Variants in TLN2 observed in about 807,000 individuals in gnomAD.
TLN2 encodes the protein talin 2.
Under a neutral mutation model 294.7 loss-of-function variants are expected in TLN2, and 118 were observed. The observed-to-expected ratio is 0.40, with a 90% CI of 0.34 to 0.47. TLN2 has a LOEUF of 0.47. Among genes scored for constraint, TLN2 ranks in the 20% least tolerant of loss-of-function variants. TLN2 has a pLI of 0.84. For synonymous variants in TLN2, 1,431 were observed against 1,304.5 expected (o/e 1.10, Z -2.09); for missense variants, 3,083 against 3,282.2 (o/e 0.94, Z 1.48).
At chr15:62,543,563 C>A (rs939102350) in intron 1 of TLN2, among the ~76,000 whole-genome samples, 7 of 152,100 alleles carry the variant, frequency 4.6e-5, no homozygotes, top group Non-Finnish European at 8.8e-5. Flanking sequence ...TGAGACCATC[C>A]TGGCCAACAT....
At chr15:62,705,187 C>G (rs1049702166) in intron 19 of TLN2, among the ~76,000 whole-genome samples, 1 of 152,184 alleles carries the variant, frequency 6.6e-6, no homozygotes, top group Non-Finnish European at 1.5e-5. Flanking sequence ...TCCTACAGAG[C>G]CTTTGTTAGC....
At chr15:62,602,978 T>C (rs1444107652) in intron 2 of TLN2, among the ~76,000 whole-genome samples, 1 of 151,944 alleles carries the variant, frequency 6.6e-6, no homozygotes, top group Non-Finnish European at 1.5e-5. Context: ...CTGCAAACTC[T>C]GCCTCCCAGG....
At chr15:62,588,252 A>G (rs1183079243) in intron 1 of TLN2, among the ~76,000 whole-genome samples, 1 of 152,116 alleles carries the variant, frequency 6.6e-6, no homozygotes, top group African/African-American at 2.4e-5. Context: ...ATTTTTTAAG[A>G]CATGAAAAAT....
At chr15:62,731,028 T>G (rs1370285990) in intron 28 of TLN2, among the ~76,000 whole-genome samples, 1 of 152,234 alleles carries the variant, frequency 6.6e-6, no homozygotes, top group Non-Finnish European at 1.5e-5. Context: ...GCTTTTGATC[T>G]ATCTTCCAGT....
At position 62,721,378 on chromosome 15, in the gene TLN2, T is replaced by A. The variant is rs1461414172; in HGVS notation, c.2992-975T>A. On this transcript the variant is annotated intron_variant, in intron 25 of 58. Transcript: ENST00000636159. ...TTGCCAGTTTGCTCTGTAAAACTAT[T>A]TTTGTTTGGTTTTGCATTTCTCCGA... 2.0e-5 allele frequency among the ~76,000 whole-genome samples: 3 copies of A among 152,322 alleles called. No individual in the cohort carries two copies. In the East Asian group the frequency reaches 5.8e-4, roughly 29 times the overall value.
At chr15:62,524,386 G>A (rs1015308662) in intron 1 of TLN2, among the ~76,000 whole-genome samples, 2 of 152,148 alleles carry the variant, frequency 1.3e-5, no homozygotes, top group Admixed American at 1.3e-4. Context: ...GCAGGTGTGT[G>A]CTTGTGTGTG....
intron 28 of TLN2, among the ~76,000 whole-genome samples, chr15:62,731,388 T>G (rs1034779717): frequency 1.0e-5 from 1 of 100,108 alleles, no homozygotes; most frequent in Non-Finnish European, 2.0e-5. Context: ...ATTGTAGAGA[T>G]AGTTTGAGGC....
chr15:62,816,990 A>C (rs1156493685), intron 52 of TLN2, among the ~76,000 whole-genome samples: 1 of 152,168 alleles, frequency 6.6e-6, no homozygotes, highest in Non-Finnish European at 1.5e-5. Context: ...CAGGCTACAC[A>C]CCAGAAGAAT....
At chr15:62,550,263 G>A (rs778485394) in intron 1 of TLN2, among the ~76,000 whole-genome samples, 1 of 152,094 alleles carries the variant, frequency 6.6e-6, no homozygotes, top group Non-Finnish European at 1.5e-5. Context: ...TAATAGTTTA[G>A]GTTTATTTTT....
intron 1 of TLN2, among the ~76,000 whole-genome samples, chr15:62,565,365 C>G (rs759578816): frequency 2.0e-5 from 3 of 152,146 alleles, no homozygotes; most frequent in Non-Finnish European, 4.4e-5. Flanking sequence ...TTGCACTAGA[C>G]TGACAGATGA....
Position 62,650,131 on chromosome 15 carries a change from A to G in TLN2, c.184A>G (p.Ile62Val). Residue 62 changes from isoleucine (I) to valine (V), a missense_variant, in exon 5 of 59, where the codon ATT becomes GTT. By Grantham distance (29) the Ile-to-Val change is conservative. Transcript: ENST00000636159. The part of the protein sequence containing the change: ...FLSDEDPRKG[I>V]WLEAGRTLDY... ...TTCGGATGAAGACCCGAGGAAAGGG[A>G]TTTGGCTGGAAGCGGGCAGAACACT... 1.9e-6 allele frequency: 3 copies of G among 1,614,064 alleles called. No individual in the cohort carries two copies. Among genetic ancestry groups the G allele is most frequent in the Non-Finnish European group, 2.5e-6 (3 of 1,179,984 alleles).
chr15:62,819,372 C>T (rs1596114322), intron 52 of TLN2, 144 bp from the exon 53 acceptor site: 1 of 657,042 alleles, frequency 1.5e-6, no homozygotes, highest in Non-Finnish European at 2.7e-6. Context: ...TAAGGGTTTT[C>T]CACAAGGCTC....
chr15:62,833,797 C>T, intron 55 of TLN2, 168 bp downstream of exon 55: 1 of 908,286 alleles, frequency 1.1e-6, no homozygotes, highest in Non-Finnish European at 1.6e-6. Context: ...AGCCTTCAGA[C>T]CAACAGAATA....
intron 43 of TLN2, among the ~76,000 whole-genome samples, chr15:62,779,173 G>A (rs371575714): frequency 2.1e-4 from 32 of 152,240 alleles, no homozygotes; most frequent in African/African-American, 7.0e-4. Flanking sequence ...ATTCTCTCTC[G>A]TCATCTCAGC....
intron 18 of TLN2, 111 bp from the exon 19 acceptor site, chr15:62,702,655 G>A (rs2058787415): frequency 1.9e-6 from 2 of 1,048,376 alleles, no homozygotes; most frequent in Non-Finnish European, 2.9e-6. Flanking sequence ...GATTCTCACT[G>A]TCAGACAAAG....
Position 62,766,427 on chromosome 15 carries a change from T to G in TLN2, c.5196+5T>G, listed in dbSNP as rs764304422. On this transcript the variant is annotated splice_donor_5th_base_variant and intron_variant, in intron 41 of 58. Transcript: ENST00000636159. ...GCAGCTCAGCTGGGACATAAGGTAA[T>G]GCACACCGAGGGGATCCTGCGAGGG... 1 of 1,604,250 alleles carries G rather than the reference T, an allele frequency of 6.2e-7. No homozygotes were observed. The highest frequency in any genetic ancestry group is 8.5e-7 in the Non-Finnish European group (1 of 1,171,772).
At chr15:62,530,988 G>A (rs7176741) in intron 1 of TLN2, among the ~76,000 whole-genome samples, 11,267 of 152,030 alleles carry the variant, frequency 0.074, 882 homozygotes, top group African/African-American at 0.2. Flanking sequence ...TGTTTTAGTC[G>A]TGAATAATTT....
intron 1 of TLN2, among the ~76,000 whole-genome samples, chr15:62,489,660 G>C (rs532879290): frequency 2.6e-5 from 4 of 152,298 alleles, no homozygotes; most frequent in South Asian, 4.1e-4. Flanking sequence ...GTTGGACTTA[G>C]AAGTGAATCA....
intron 3 of TLN2, chr15:62,637,424 G>A (rs2140904130): frequency 6.6e-6 from 1 of 152,316 alleles, no homozygotes; most frequent in Admixed American, 6.5e-5. Flanking sequence ...GATTTATTCA[G>A]CTGTCTTGGC....
Sources: allele counts gnomAD v4.1 joint callset (sites outside exome capture counted in the v4.1 genomes callset), GRCh38; gene constraint gnomAD v4.1.1; transcripts MANE v1.5; gene names NCBI Gene and HGNC (gene_info 2026-07-23, HGNC 2026-07-21).